Variants in RBM20 observed in about 807,000 individuals in gnomAD.
RBM20 encodes RNA-binding protein 20.
A neutral mutation model predicts 110.1 loss-of-function variants in RBM20; 51 were observed. That is an observed-to-expected ratio of 0.46 (90% CI 0.37 to 0.59). The LOEUF (loss-of-function observed/expected upper bound fraction) is 0.59, where lower values mean the gene tolerates loss of function less well. Among genes scored for constraint, RBM20 ranks in the 20% least tolerant of loss-of-function variants. The pLI, the probability that RBM20 is intolerant of heterozygous loss-of-function variation, is 0.00. For synonymous variants in RBM20, 589 were observed against 618.2 expected (o/e 0.95, Z 0.70); for missense variants, 1,512 against 1,574.9 (o/e 0.96, Z 0.68).
intron 1 of RBM20, among the ~76,000 whole-genome samples, chr10:110,730,996 T>C (rs1429220679): frequency 6.6e-6 from 1 of 152,250 alleles, no homozygotes; most frequent in Non-Finnish European, 1.5e-5. Context: ...TAGAGCTCTT[T>C]AACCATTGTG....
intron 1 of RBM20, among the ~76,000 whole-genome samples, chr10:110,737,621 C>CT (rs61353592): frequency 0.17 from 25,256 of 147,310 alleles, 2,945 homozygotes; most frequent in East Asian, 0.32. Context: ...ATTAGTTTGC[C>CT]TTTTTTTTTT....
At chr10:110,742,331 T>C (rs1467728074) in intron 1 of RBM20, among the ~76,000 whole-genome samples, 1 of 152,176 alleles carries the variant, frequency 6.6e-6, no homozygotes, top group Admixed American at 6.5e-5. Flanking sequence ...CTTTCTTAGC[T>C]CCCAGGCTGG....
At chr10:110,745,529 A>G (rs1843769633) in intron 1 of RBM20, among the ~76,000 whole-genome samples, 2 of 151,954 alleles carry the variant, frequency 1.3e-5, no homozygotes, top group Non-Finnish European at 2.9e-5. Flanking sequence ...AAATTCTCCA[A>G]GGGATTTGGA....
At chr10:110,816,379 T>G (rs1453745919) in intron 9 of RBM20, among the ~76,000 whole-genome samples, 3 of 118,932 alleles carry the variant, frequency 2.5e-5, no homozygotes, top group Non-Finnish European at 5.1e-5. Flanking sequence ...CACCACTGCA[T>G]ACCATCTCAA....
chr10:110,722,020 C>A (rs1843513947), intron 1 of RBM20, among the ~76,000 whole-genome samples: 1 of 152,072 alleles, frequency 6.6e-6, no homozygotes, highest in South Asian at 2.1e-4. Context: ...TCTGCCCCTG[C>A]CTTTTCTCTG....
At chr10:110,815,814 T>TC (rs1844830365) in intron 9 of RBM20, among the ~76,000 whole-genome samples, 1 of 152,166 alleles carries the variant, frequency 6.6e-6, no homozygotes, top group African/African-American at 2.4e-5. Flanking sequence ...CCCAAGAATT[T>TC]CCCCACAGTT....
chr10:110,805,855 A>G (rs182330255), intron 7 of RBM20, among the ~76,000 whole-genome samples: 1 of 152,222 alleles, frequency 6.6e-6, no homozygotes, highest in Non-Finnish European at 1.5e-5. Context: ...GAGCGGAATC[A>G]TTGTCATCAC....
intron 13 of RBM20, chr10:110,835,583 A>G (rs1315827515): frequency 5.0e-6 from 1 of 198,558 alleles, no homozygotes; most frequent in Non-Finnish European, 1.0e-5. Context: ...TGATCCACCC[A>G]CCTCGGCCTC....
chr10:110,669,127 T>A (rs949110719), intron 1 of RBM20, among the ~76,000 whole-genome samples: 1 of 152,226 alleles, frequency 6.6e-6, no homozygotes, highest in African/African-American at 2.4e-5. Context: ...TTTTCTGGAA[T>A]AGCAGCAAAG....
At chr10:110,779,905 G>A (rs1263473596) in intron 1 of RBM20, among the ~76,000 whole-genome samples, 1 of 152,202 alleles carries the variant, frequency 6.6e-6, no homozygotes, top group Non-Finnish European at 1.5e-5. Flanking sequence ...ATGTAAACAC[G>A]ATTCACTCTG....
At chr10:110,758,552 G>C (rs372078638) in intron 1 of RBM20, among the ~76,000 whole-genome samples, 1 of 152,132 alleles carries the variant, frequency 6.6e-6, no homozygotes, top group African/African-American at 2.4e-5. Context: ...TGGCCTCTTT[G>C]AGAAGATGAC....
At chr10:110,661,377 C>T (rs1862099530) in intron 1 of RBM20, among the ~76,000 whole-genome samples, 1 of 152,184 alleles carries the variant, frequency 6.6e-6, no homozygotes, top group Admixed American at 6.5e-5. Context: ...ACCCCTTAGG[C>T]TGGGATCTGA....
intron 1 of RBM20, among the ~76,000 whole-genome samples, chr10:110,672,564 G>C (rs962853919): frequency 2.0e-5 from 3 of 152,244 alleles, no homozygotes; most frequent in East Asian, 1.9e-4. Context: ...GGGTGTTCGC[G>C]GAAGCTGCGC....
chr10:110,656,909 A>G (rs11597796), intron 1 of RBM20, among the ~76,000 whole-genome samples: 33,424 of 152,044 alleles, frequency 0.22, 4,659 homozygotes, highest in Middle Eastern at 0.33. Flanking sequence ...CCTTTTTACT[A>G]TTGTGAATAG....
At position 110,689,622 on chromosome 10, in the gene RBM20, C is replaced by T. The variant is rs747048937; in HGVS notation, c.191+44977C>T. 5.6e-4 allele frequency among the ~76,000 whole-genome samples: 85 copies of T among 150,626 alleles called. 2 individuals are homozygous for T. Among genetic ancestry groups the T allele is most frequent in the Non-Finnish European group, 1.6e-4 (11 of 67,474 alleles). On this transcript the variant is annotated intron_variant, in intron 1 of 13. Transcript: ENST00000369519. ...ACACGGTTGTTCTGTGCTGGTAGTG[C>T]GGGTCTTTAAAAATCTAGGGAGTTT...
At chr10:110,692,668 A>G (rs1862603534) in intron 1 of RBM20, among the ~76,000 whole-genome samples, 1 of 152,150 alleles carries the variant, frequency 6.6e-6, no homozygotes, top group Non-Finnish European at 1.5e-5. Flanking sequence ...TTCTACATAT[A>G]AAACCATGTC....
At chr10:110,694,011 T>C (rs1862626206) in intron 1 of RBM20, among the ~76,000 whole-genome samples, 1 of 152,204 alleles carries the variant, frequency 6.6e-6, no homozygotes, top group Non-Finnish European at 1.5e-5. Context: ...AGACACTGGG[T>C]CAGAGAGAGC....
At chr10:110,820,231 T>TC (rs2135119015) in intron 10 of RBM20, 55 bp downstream of exon 10, 2 of 1,264,562 alleles carry the variant, frequency 1.6e-6, no homozygotes, top group East Asian at 5.1e-5. Flanking sequence ...GTCACAGGAG[T>TC]CCCCCTTTTG....
chr10:110,707,145 A>C (rs1373831350), intron 1 of RBM20, among the ~76,000 whole-genome samples: 1 of 152,184 alleles, frequency 6.6e-6, no homozygotes, highest in Non-Finnish European at 1.5e-5. Flanking sequence ...AGGAAAATCT[A>C]TTTAGTGATG....
Sources: gnomAD v4.1 joint callset for allele counts (sites outside exome capture counted in the v4.1 genomes callset) on GRCh38, gnomAD v4.1.1 for gene constraint, MANE v1.5 for transcripts, NCBI Gene and HGNC (gene_info 2026-07-23, HGNC 2026-07-21) for gene names.